DNAH9: variants seen among roughly 807,000 people sequenced by gnomAD.
DNAH9 encodes the protein DNAH9 variant protein.
DNAH9 carries 345 observed loss-of-function variants against 471.6 expected under a neutral mutation model. That is an observed-to-expected ratio of 0.73 (90% CI 0.67 to 0.80). The LOEUF (loss-of-function observed/expected upper bound fraction) is 0.80, where lower values mean the gene tolerates loss of function less well. DNAH9 is among the 30% of genes least tolerant of loss of function. The pLI, the probability that DNAH9 is intolerant of heterozygous loss-of-function variation, is 0.00. For synonymous variants in DNAH9, 2,093 were observed against 2,123.6 expected, an observed-to-expected ratio of 0.99 and a Z score of 0.40; for missense variants, 5,407 against 5,609.2, an observed-to-expected ratio of 0.96 and a Z score of 1.15.
chr17:11,625,573 T>C (rs1408213830), intron 6 of DNAH9, among the ~76,000 whole-genome samples: 1 of 152,148 alleles, frequency 6.6e-6, no homozygotes, highest in African/African-American at 2.4e-5. Flanking sequence ...ATTCCCAAGG[T>C]TCTTCTTTTA....
intron 1 of DNAH9, among the ~76,000 whole-genome samples, chr17:11,606,071 A>G (rs548889066): frequency 1.3e-5 from 2 of 152,266 alleles, no homozygotes; most frequent in South Asian, 4.1e-4. Context: ...CTGGGTTCAA[A>G]TGGTTCTTTC....
In DNAH9 at chr17:11,598,866, G is replaced by T; in HGVS notation, c.368G>T (p.Gly123Val). 6.5e-7 allele frequency: 1 copy of T among 1,544,130 alleles called. No homozygotes were observed. The highest frequency in any genetic ancestry group is 2.5e-5 in the East Asian group (1 of 39,894). ...AGCTTCCGCGGCGCAGTGGTCTGCG[G>T]GGACCTGCCCGCGGCACCTCTGGAG... ...PDSFRGAVVCGDLPAAPLEHL... is the reference protein window; with the variant it reads ...PDSFRGAVVCVDLPAAPLEHL... The change falls in exon 1 of 69, where the codon GGG becomes GTG. Residue 123 changes from glycine to valine, a missense_variant. Around this residue, in one of 3 missense-constraint regions of DNAH9, gnomAD observed 767 missense variants for 692.5 expected, o/e 1.11. Coordinates refer to ENST00000262442, the MANE Select transcript of DNAH9 (RefSeq NM_001372.4).
At chr17:11,756,928 T>A (rs1967418138) in intron 34 of DNAH9, among the ~76,000 whole-genome samples, 1 of 152,214 alleles carries the variant, frequency 6.6e-6, no homozygotes, top group African/African-American at 2.4e-5. Flanking sequence ...TCAATGGAGA[T>A]GACCAAATAT....
At chr17:11,822,622 C>G (rs766576019) in intron 47 of DNAH9, 23 bp downstream of exon 47, 3 of 1,612,552 alleles carry the variant, frequency 1.9e-6, no homozygotes, top group African/African-American at 2.7e-5. Context: ...AGGAGACACT[C>G]CTAAAAGTCC....
chr17:11,716,045 T>C, intron 26 of DNAH9, among the ~76,000 whole-genome samples: 1 of 151,602 alleles, frequency 6.6e-6, no homozygotes, highest in East Asian at 1.9e-4. Context: ...GCCTCCCTTG[T>C]GACAAACAGA....
rs2277656 is a variant in DNAH9, at chr17:11,742,526, C to G, written c.6111+213C>G. 1.2e-4 allele frequency among the ~76,000 whole-genome samples: 19 copies of G among 152,300 alleles called. No individual in the cohort carries two copies. In the East Asian group the frequency reaches 3.7e-3, roughly 29 times the overall value. On this transcript the variant is annotated intron_variant, in intron 30 of 68. Coordinates refer to ENST00000262442, the MANE Select transcript of DNAH9 (RefSeq NM_001372.4). ...ATTTTTCAAAATTAACCTCAAAACTCCATTTTGTAATAGAATACTTAGCAA... is the reference window on the plus strand; with the variant it reads ...ATTTTTCAAAATTAACCTCAAAACTGCATTTTGTAATAGAATACTTAGCAA...
chr17:11,938,985 C>T lies in DNAH9; in HGVS notation c.12660+1463C>T, dbSNP rs538032873. On this transcript the variant is annotated intron_variant, in intron 66 of 68. Transcript: ENST00000262442. Reference sequence around the variant, plus strand: ...TTATCAAACTTTTAGCCTCTAGAGACTGATTTTAGGAAAGCAAACTGATAC... The same window carrying T: ...TTATCAAACTTTTAGCCTCTAGAGATTGATTTTAGGAAAGCAAACTGATAC... 3.3e-5 allele frequency among the ~76,000 whole-genome samples: 5 copies of T among 152,262 alleles called. No homozygotes were observed. In the East Asian group the frequency reaches 9.6e-4, roughly 29 times the overall value.
At chr17:11,887,989 T>G (rs1020418544) in intron 57 of DNAH9, among the ~76,000 whole-genome samples, 1 of 99,464 alleles carries the variant, frequency 1.0e-5, no homozygotes, top group Non-Finnish European at 2.1e-5. Context: ...TGGTTTTTTG[T>G]TTTTTTTTTT....
At chr17:11,679,667 T>C (rs1324189939) in intron 17 of DNAH9, 90 bp from the exon 18 acceptor site, 2 of 907,540 alleles carry the variant, frequency 2.2e-6, no homozygotes, top group Non-Finnish European at 3.6e-6. Flanking sequence ...ATTTTCATAA[T>C]GATAGATATT....
chr17:11,861,491 G>T (rs1285363872), intron 50 of DNAH9, among the ~76,000 whole-genome samples: 2 of 152,148 alleles, frequency 1.3e-5, no homozygotes, highest in Non-Finnish European at 2.9e-5. Context: ...AAATACGTGT[G>T]CATATGTCTT....
chr17:11,655,647 GAC>G (rs377732008), intron 14 of DNAH9, among the ~76,000 whole-genome samples: 10 of 145,266 alleles, frequency 6.9e-5, no homozygotes, highest in Admixed American at 2.8e-4. Context: ...TATATACATA[GAC>G]ACACACACAC....
chr17:11,910,057 C>T (rs1379342574), intron 61 of DNAH9, among the ~76,000 whole-genome samples: 23 of 152,074 alleles, frequency 1.5e-4, no homozygotes, highest in Admixed American at 1.4e-3. Flanking sequence ...AGATCGAGAC[C>T]ATCCTGGCTA....
At position 11,669,410 on chromosome 17, in the gene DNAH9, G is replaced by A. The variant is rs61745415; in HGVS notation, c.2969G>A (p.Arg990His). The A allele has an allele frequency of 5.0e-3, 8,078 of 1,613,732 alleles. 320 individuals carry two copies. The African/African-American group carries it at 0.086, about 17-fold the overall frequency. The change falls in exon 17 of 69, where the codon CGC (arginine) becomes CAC (histidine). Residue 990 changes from arginine (R) to histidine (H), a missense_variant. Around this residue, in one of 3 missense-constraint regions of DNAH9, gnomAD observed 4,636 missense variants for 4,900.3 expected, o/e 0.95. Transcript: ENST00000262442. ...DGIPDLANMR[R>H]TLMERVQRMM... ...ATACCAGATTTGGCAAACATGCGGC[G>A]CACACTCATGGAGAGAGTCCAGAGA... is the stretch of plus-strand genomic sequence containing the variant.
chr17:11,762,770 G>GTTTGTTTTTTTTTTTT lies in DNAH9; in HGVS notation c.6996-667_6996-666insGTTTTTTTTTTTTTTT, dbSNP rs1193246497. Reference sequence around the variant, plus strand: ...CCTCTTTAGGTGCGTTTTTTTTTTTGTTTTTTTTTTTTTTTTTTTTTTTTT... The same window carrying GTTTGTTTTTTTTTTTT: ...CCTCTTTAGGTGCGTTTTTTTTTTTGTTTGTTTTTTTTTTTTTTTTTTTTTTTTTTTTTTTTTTTTT... On this transcript the variant is annotated intron_variant, in intron 35 of 68. Transcript: ENST00000262442. Among the ~76,000 whole-genome samples the GTTTGTTTTTTTTTTTT allele has an allele frequency of 7.7e-5, 7 of 90,792 alleles. 1 individual carries two copies. The highest frequency in any genetic ancestry group is 2.8e-4 in the Admixed American group (2 of 7,270). 59.6% of individuals were successfully genotyped at this position (90,792 alleles called of 152,430 possible). A position where few individuals can be genotyped will look rare whatever the true frequency, so the allele number is the denominator to read the frequency against.
intron 4 of DNAH9, among the ~76,000 whole-genome samples, chr17:11,615,144 A>T (rs1017144268): frequency 5.3e-5 from 8 of 152,190 alleles, no homozygotes; most frequent in African/African-American, 1.9e-4. Context: ...TGGACATGGT[A>T]GGAATACTGG....
At chr17:11,612,815 A>G (rs2072666081) in intron 4 of DNAH9, 1 of 152,186 alleles carries the variant, frequency 6.6e-6, no homozygotes, top group Non-Finnish European at 1.5e-5. Context: ...AAGCTTAATT[A>G]AAGCAGTGAT....
chr17:11,813,182 G>A (rs1969984623), intron 45 of DNAH9, among the ~76,000 whole-genome samples: 1 of 151,542 alleles, frequency 6.6e-6, no homozygotes, highest in African/African-American at 2.4e-5. Context: ...CAATCAGCCG[G>A]TTCCAAAGTC....
chr17:11,704,565 C>A, intron 25 of DNAH9, 123 bp downstream of exon 25: 46 of 775,774 alleles, frequency 5.9e-5, no homozygotes, highest in Non-Finnish European at 8.2e-5. Context: ...GGGGGAGGAT[C>A]ACAGTGGCTG....
At position 11,949,380 on chromosome 17, in the gene DNAH9, T is replaced by C. The variant is rs548263328; in HGVS notation, c.12843+6895T>C. Among the ~76,000 whole-genome samples, 122 of 152,274 alleles carry C rather than the reference T, an allele frequency of 8.0e-4. 1 individual carries two copies. Among genetic ancestry groups the C allele is most frequent in the African/African-American group, 2.6e-3 (110 of 41,544 alleles). On this transcript the variant is annotated intron_variant, in intron 67 of 68. Coordinates refer to ENST00000262442, the MANE Select transcript of DNAH9 (RefSeq NM_001372.4). ...TGTTGACTCTTGACCTGTGAGCAAGTGTGAATATTAATCGCTGTTAAACAG... is the reference window on the plus strand; with the variant it reads ...TGTTGACTCTTGACCTGTGAGCAAGCGTGAATATTAATCGCTGTTAAACAG...
Sources: allele counts gnomAD v4.1 joint callset (sites outside exome capture counted in the v4.1 genomes callset), GRCh38; gene constraint gnomAD v4.1.1; regional missense constraint gnomAD v4.1.1; transcripts MANE v1.5; gene names NCBI Gene and HGNC (gene_info 2026-07-23, HGNC 2026-07-21).